APCDD1L: variants seen among roughly 807,000 people sequenced by gnomAD.
The protein encoded by APCDD1L is protein APCDD1-like.
APCDD1L carries 21 observed loss-of-function variants against 24.2 expected under a neutral mutation model. The ratio of observed to expected loss-of-function variants is 0.87; its 90% confidence interval spans 0.61 to 1.25. The LOEUF (loss-of-function observed/expected upper bound fraction) is 1.25. APCDD1L is among the 50% of genes most tolerant of loss of function. The pLI, the probability that APCDD1L is intolerant of heterozygous loss-of-function variation, is 0.00. For synonymous variants in APCDD1L, 321 were observed against 323.6 expected (o/e 0.99, Z 0.09); for missense variants, 704 against 711.7 (o/e 0.99, Z 0.12).
Position 58,514,810 on chromosome 20 carries a change from T to C in APCDD1L, c.-103A>G. ...CGGCTGCGGGCGCCGGCGGCCAGGC[T>C]GGAGTCCTGCGAAGAAGTTGCGAGG... On this transcript the variant is annotated 5_prime_UTR_variant, in exon 1 of 4. Transcript: ENST00000371149. 1 of 970,182 alleles carries C rather than the reference T, an allele frequency of 1.0e-6. No individual in the cohort carries two copies. Among genetic ancestry groups the C allele is most frequent in the Admixed American group, 4.3e-5 (1 of 23,054 alleles). 60.1% of individuals were successfully genotyped at this position (970,182 alleles called of 1,614,324 possible). A position where few individuals can be genotyped will look rare whatever the true frequency, so the allele number is the denominator to read the frequency against.
chr20:58,461,105 G>A lies in APCDD1L; in HGVS notation c.1191C>T (p.Asn397=), dbSNP rs569125300. 46 of 1,613,870 alleles carry A rather than the reference G, an allele frequency of 2.9e-5. No homozygotes were observed. Among genetic ancestry groups the A allele is most frequent in the South Asian group, 9.9e-5 (9 of 91,086 alleles). The change falls in exon 4 of 4, where the codon AAC becomes AAT. Residue 397 remains asparagine, a synonymous_variant. Coordinates refer to ENST00000371149, the MANE Select transcript of APCDD1L (RefSeq NM_153360.3). This position sits in a 1 kb window ranked among gnomAD's most constrained non-coding sequence, Gnocchi z 6.0. Reference sequence around the variant, plus strand: ...GCCGGATGCCCAGCGGTAGGCAGCCGTTGGTGGCTGTGACATCCCGCTCAG... The same window carrying A: ...GCCGGATGCCCAGCGGTAGGCAGCCATTGGTGGCTGTGACATCCCGCTCAG... ...MGTERDVTAT[N]GCLPLGIRLP...
At chr20:58,503,328 C>T (rs779209312) in intron 1 of APCDD1L, among the ~76,000 whole-genome samples, 18 of 152,318 alleles carry the variant, frequency 1.2e-4, no homozygotes, top group Non-Finnish European at 2.5e-4. Context: ...TAATTTCAGT[C>T]TGTGGTTTGC....
intron 1 of APCDD1L, among the ~76,000 whole-genome samples, chr20:58,492,164 A>G (rs1990236233): frequency 6.6e-6 from 1 of 152,276 alleles, no homozygotes; most frequent in South Asian, 2.1e-4. Context: ...AGGATTTCTT[A>G]AAATGCGCAA....
At chr20:58,479,804 C>T (rs1044732346) in intron 1 of APCDD1L, among the ~76,000 whole-genome samples, 8 of 152,096 alleles carry the variant, frequency 5.3e-5, no homozygotes, top group Admixed American at 1.3e-4. Flanking sequence ...ATGCTGGCTG[C>T]GATGGTGGCC....
intron 1 of APCDD1L, among the ~76,000 whole-genome samples, chr20:58,499,264 T>C (rs1990384548): frequency 6.6e-6 from 1 of 152,120 alleles, no homozygotes; most frequent in South Asian, 2.1e-4. Flanking sequence ...TGGCCACACC[T>C]AGCTGCAAGG....
In APCDD1L at chr20:58,497,804, C is replaced by T. The variant is rs1351098297; in HGVS notation, c.49+16855G>A. 6.6e-6 allele frequency among the ~76,000 whole-genome samples: 1 copy of T among 152,138 alleles called. No homozygotes were observed. Among genetic ancestry groups the T allele is most frequent in the African/African-American group, 2.4e-5 (1 of 41,426 alleles). On this transcript the variant is annotated intron_variant, in intron 1 of 3. Transcript: ENST00000371149. The surrounding 1 kb of genome is among the most constrained non-coding windows in gnomAD (Gnocchi z 4.3). ...GCAGCACTTACTGAAGATCACATGG[C>T]TGGTGGAGAAGGGACCTTGTGCGGC... is the stretch of plus-strand genomic sequence containing the variant.
chr20:58,467,228 G>A lies in APCDD1L; in HGVS notation c.619C>T (p.Pro207Ser). 1 of 1,597,136 alleles carries A rather than the reference G, an allele frequency of 6.3e-7. No individual in the cohort carries two copies. The highest frequency in any genetic ancestry group is 8.5e-7 in the Non-Finnish European group (1 of 1,176,696). Residue 207 changes from proline to serine, a missense_variant, in exon 3 of 4, where the codon CCG becomes TCG. By Grantham distance (74) the Pro-to-Ser change is moderately conservative (BLOSUM62 -1). Transcript: ENST00000371149. This position sits in a 1 kb window ranked among gnomAD's most constrained non-coding sequence, Gnocchi z 5.9. ...AGCCGGGGCGACGCCCGGGGCTGCG[G>A]CTGCAGGCGGCGCTGCACGCGGACC... is the stretch of plus-strand genomic sequence containing the variant. ...SLVRVQRRLQ[P>S]QPRASPRLVE...
intron 1 of APCDD1L, among the ~76,000 whole-genome samples, chr20:58,504,322 T>C (rs1600878609): frequency 6.6e-6 from 1 of 152,192 alleles, no homozygotes; most frequent in African/African-American, 2.4e-5. Context: ...GTGAACAGAC[T>C]GTTAGCACCT....
chr20:58,507,954 G>A (rs1048009655), intron 1 of APCDD1L, among the ~76,000 whole-genome samples: 2 of 152,188 alleles, frequency 1.3e-5, no homozygotes, highest in African/African-American at 4.8e-5. Context: ...CATTGCCACT[G>A]GCATGATTTT....
intron 1 of APCDD1L, among the ~76,000 whole-genome samples, chr20:58,471,365 A>C (rs1989809296): frequency 6.6e-6 from 1 of 152,228 alleles, no homozygotes; most frequent in Admixed American, 6.5e-5. Context: ...CAAGGGAAAG[A>C]GCGCATGGCC....
chr20:58,472,711 C>T (rs928536562), intron 1 of APCDD1L, among the ~76,000 whole-genome samples: 3 of 152,180 alleles, frequency 2.0e-5, no homozygotes, highest in Non-Finnish European at 1.5e-5. Context: ...GTCCCCACAC[C>T]GACTCATCAG....
intron 1 of APCDD1L, among the ~76,000 whole-genome samples, chr20:58,473,427 A>G (rs547509602): frequency 6.6e-6 from 1 of 152,366 alleles, no homozygotes; most frequent in South Asian, 2.1e-4. Flanking sequence ...ACATGTACAC[A>G]CAAATGCGAA....
chr20:58,492,617 G>C (rs1990241621), intron 1 of APCDD1L, among the ~76,000 whole-genome samples: 1 of 152,232 alleles, frequency 6.6e-6, no homozygotes, highest in Admixed American at 6.5e-5. Context: ...ACTTTTGTAA[G>C]TTAACTTTAT....
intron 1 of APCDD1L, 113 bp from the exon 2 acceptor site, chr20:58,470,860 C>T: frequency 1.4e-6 from 2 of 1,398,888 alleles, no homozygotes; most frequent in Non-Finnish European, 1.9e-6. Context: ...TGTCCCGCAA[C>T]CTCCATCGCA....
At chr20:58,509,396 CA>C (rs1240243308) in intron 1 of APCDD1L, among the ~76,000 whole-genome samples, 1 of 152,132 alleles carries the variant, frequency 6.6e-6, no homozygotes, top group African/African-American at 2.4e-5. Context: ...TCCAAGTTTC[CA>C]GTTTGCAAAT....
intron 1 of APCDD1L, among the ~76,000 whole-genome samples, chr20:58,503,923 G>C (rs1299624348): frequency 2.6e-5 from 4 of 152,204 alleles, no homozygotes; most frequent in Non-Finnish European, 5.9e-5. Context: ...GGCAGAATGT[G>C]CTTAGCTTCT....
intron 1 of APCDD1L, among the ~76,000 whole-genome samples, chr20:58,482,059 G>C (rs1990035222): frequency 6.6e-6 from 1 of 152,156 alleles, no homozygotes; most frequent in African/African-American, 2.4e-5. Context: ...ACATATACGG[G>C]GGCCTTTGGG....
Position 58,508,287 on chromosome 20 carries a change from C to A in APCDD1L, c.49+6372G>T, listed in dbSNP as rs1600881987. On this transcript the variant is annotated intron_variant, in intron 1 of 3. Transcript: ENST00000371149. The surrounding 1 kb of genome is among the most constrained non-coding windows in gnomAD (Gnocchi z 4.0). The stretch of plus-strand genomic sequence containing the variant: ...CTTCATGGTGGTGCTTCCAGCCCAG[C>A]AGCCACTATCCTCCCTAAGAAGAAA... Among the ~76,000 whole-genome samples the A allele has an allele frequency of 6.6e-6, 1 of 152,186 alleles. No homozygotes were observed. The highest frequency in any genetic ancestry group is 2.4e-5 in the African/African-American group (1 of 41,426).
At chr20:58,504,957 C>G (rs1259293417) in intron 1 of APCDD1L, among the ~76,000 whole-genome samples, 1 of 152,192 alleles carries the variant, frequency 6.6e-6, no homozygotes, top group Admixed American at 6.5e-5. Context: ...TGCTGAAGTC[C>G]TAGCAAATTC....
Sources: allele counts gnomAD v4.1 joint callset (sites outside exome capture counted in the v4.1 genomes callset), GRCh38; gene constraint gnomAD v4.1.1; non-coding constraint Gnocchi (gnomAD v3.1); transcripts MANE v1.5; gene names NCBI Gene and HGNC (gene_info 2026-07-23, HGNC 2026-07-21).